Variants in PIEZO2 observed in about 807,000 individuals in gnomAD.
The protein encoded by PIEZO2 is piezo-type mechanosensitive ion channel component 2.
PIEZO2 carries 172 observed loss-of-function variants against 337.3 expected under a neutral mutation model. That is an observed-to-expected ratio of 0.51 (90% CI 0.45 to 0.58). The LOEUF (loss-of-function observed/expected upper bound fraction) is 0.58. Among genes scored for constraint, PIEZO2 ranks in the 20% least tolerant of loss-of-function variants. The pLI is 0.00. For missense variants in PIEZO2, 3,028 were observed against 3,391.3 expected (o/e 0.89, Z 2.66); for synonymous variants, 1,251 against 1,228.5 (o/e 1.02, Z -0.38).
rs1246009114 is a variant in PIEZO2, at chr18:10,726,570, C to T, written c.5029+4837G>A. On this transcript the variant is annotated intron_variant, in intron 36 of 55. Transcript: ENST00000674853. This position sits in a 1 kb window ranked among gnomAD's most constrained non-coding sequence, Gnocchi z 5.9. ...CCAGCCGCCACGCTGTGCGTCTGTCCTTCCGCCAGCTCTTCCAGGACCTGG... is the reference window on the plus strand; with the variant it reads ...CCAGCCGCCACGCTGTGCGTCTGTCTTTCCGCCAGCTCTTCCAGGACCTGG... 5.7e-6 allele frequency: 8 copies of T among 1,404,084 alleles called. No individual in the cohort carries two copies. The highest frequency in any genetic ancestry group is 7.6e-6 in the Non-Finnish European group (8 of 1,057,246). 87.0% of individuals were successfully genotyped at this position (1,404,084 alleles called of 1,614,324 possible). A position where few individuals can be genotyped will look rare whatever the true frequency, so the allele number is the denominator to read the frequency against.
chr18:10,679,587 T>G (rs1274547422), intron 52 of PIEZO2, among the ~76,000 whole-genome samples: 1 of 152,224 alleles, frequency 6.6e-6, no homozygotes, highest in Non-Finnish European at 1.5e-5. Flanking sequence ...TGCCTTCATT[T>G]CTAGTGTTTA....
At chr18:10,717,610 G>C (rs1056756352) in intron 37 of PIEZO2, among the ~76,000 whole-genome samples, 1 of 152,136 alleles carries the variant, frequency 6.6e-6, no homozygotes, top group Non-Finnish European at 1.5e-5. Context: ...CCTGCATAAA[G>C]ATACCTTCCT....
At position 11,141,512 on chromosome 18, in the gene PIEZO2, C is replaced by A. The variant is rs73943214; in HGVS notation, c.64+7013G>T. On this transcript the variant is annotated intron_variant, in intron 1 of 55. Transcript: ENST00000674853. ...GCTGCGGGGCGCACAGAATGTAGAG[C>A]CACGCAACACGTATGTGGACCGAGA... 7.6e-3 allele frequency among the ~76,000 whole-genome samples: 1,159 copies of A among 152,264 alleles called. 15 individuals carry two copies. The highest frequency in any genetic ancestry group is 0.026 in the African/African-American group (1,099 of 41,538).
chr18:11,095,501 C>T (rs1479280193), intron 1 of PIEZO2, among the ~76,000 whole-genome samples: 3 of 152,266 alleles, frequency 2.0e-5, no homozygotes, highest in African/African-American at 7.2e-5. Context: ...GGCTCTGCCC[C>T]CACTGCAGCC....
intron 3 of PIEZO2, among the ~76,000 whole-genome samples, chr18:10,925,889 GTGTTTTT>G (rs548283028): frequency 0.012 from 1,441 of 117,076 alleles, 22 homozygotes; most frequent in African/African-American, 0.042. Flanking sequence ...AATGTAAGCA[GTGTTTTT>G]TGTTTTTTGT....
intron 7 of PIEZO2, among the ~76,000 whole-genome samples, chr18:10,817,883 A>G (rs2040408721): frequency 2.0e-5 from 3 of 150,906 alleles, no homozygotes; most frequent in East Asian, 2.0e-4. Context: ...AGATTGTGCC[A>G]CTGCACTCCA....
At chr18:10,991,209 T>C (rs2035083838) in intron 2 of PIEZO2, among the ~76,000 whole-genome samples, 1 of 150,570 alleles carries the variant, frequency 6.6e-6, no homozygotes, top group African/African-American at 2.5e-5. Context: ...TATATACATA[T>C]ATATATACAC....
At chr18:10,809,917 A>G (rs2040134535) in intron 7 of PIEZO2, among the ~76,000 whole-genome samples, 1 of 152,164 alleles carries the variant, frequency 6.6e-6, no homozygotes, top group African/African-American at 2.4e-5. Context: ...CTCTCCATAG[A>G]AATATCTCTT....
intron 9 of PIEZO2, among the ~76,000 whole-genome samples, chr18:10,803,009 A>G (rs2039879777): frequency 6.6e-6 from 1 of 151,864 alleles, no homozygotes; most frequent in South Asian, 2.1e-4. Flanking sequence ...TAATCTGTCT[A>G]AATAACTGTG....
intron 2 of PIEZO2, among the ~76,000 whole-genome samples, chr18:11,065,546 A>G (rs148279822): frequency 4.9e-4 from 75 of 152,340 alleles, no homozygotes; most frequent in African/African-American, 1.8e-3. Flanking sequence ...AGGTTCTTAT[A>G]GAGTAACCAG....
At chr18:10,774,761 A>G (rs189535576) in intron 18 of PIEZO2, among the ~76,000 whole-genome samples, 97 of 152,368 alleles carry the variant, frequency 6.4e-4, no homozygotes, top group African/African-American at 2.1e-3. Flanking sequence ...TACATTAAGA[A>G]AAAGCCTAGT....
At position 11,146,561 on chromosome 18, in the gene PIEZO2, A is replaced by C. The variant is rs2040817272; in HGVS notation, c.64+1964T>G. ...GGGCAGAGTACTACAGCCCTACTGAAGGAGTTTTTAGCATAGGCCACCAAC... is the reference window on the plus strand; with the variant it reads ...GGGCAGAGTACTACAGCCCTACTGACGGAGTTTTTAGCATAGGCCACCAAC... On this transcript the variant is annotated intron_variant, in intron 1 of 55. Coordinates refer to ENST00000674853, the MANE Select transcript of PIEZO2 (RefSeq NM_001378183.1). This position sits in a 1 kb window ranked among gnomAD's most constrained non-coding sequence, Gnocchi z 6.1. Among the ~76,000 whole-genome samples, 1 of 152,334 alleles carries C rather than the reference A, an allele frequency of 6.6e-6. No individual in the cohort carries two copies. The highest frequency in any genetic ancestry group is 1.5e-5 in the Non-Finnish European group (1 of 68,026).
intron 1 of PIEZO2, among the ~76,000 whole-genome samples, chr18:11,119,162 T>C (rs910921021): frequency 8.8e-6 from 1 of 113,304 alleles, no homozygotes; most frequent in East Asian, 2.8e-4. Flanking sequence ...TTTTTTTTTT[T>C]TTTGAGACAG....
rs955044340 is a variant in PIEZO2, at chr18:11,127,590, C to T, written c.64+20935G>A. On this transcript the variant is annotated intron_variant, in intron 1 of 55. Transcript: ENST00000674853. The surrounding 1 kb of genome is among the most constrained non-coding windows in gnomAD (Gnocchi z 4.5). ...CATCAGGCTCCAAGTTCTTCAGTTT[C>T]GAGACTCAGACTGGCTCTCCTTGCT... 1.3e-5 allele frequency among the ~76,000 whole-genome samples: 2 copies of T among 151,990 alleles called. No individual in the cohort carries two copies. The highest frequency in any genetic ancestry group is 2.1e-4 in the South Asian group (1 of 4,812).
At chr18:10,885,889 C>T (rs867129652) in intron 4 of PIEZO2, among the ~76,000 whole-genome samples, 16 of 152,098 alleles carry the variant, frequency 1.1e-4, no homozygotes, top group Middle Eastern at 3.2e-3. Flanking sequence ...GTGGTCAGGG[C>T]TGTGGGCGTG....
chr18:10,676,926 G>A lies in PIEZO2; in HGVS notation c.8081+821C>T, dbSNP rs1017634362. On this transcript the variant is annotated intron_variant, in intron 53 of 55. Coordinates refer to ENST00000674853, the MANE Select transcript of PIEZO2 (RefSeq NM_001378183.1). This position sits in a 1 kb window ranked among gnomAD's most constrained non-coding sequence, Gnocchi z 5.1. ...ATAGCCCAGTACCCCCGGGGGCAGGGCAGGGAGAATGCGATACCACTGGGC... is the reference window on the plus strand; with the variant it reads ...ATAGCCCAGTACCCCCGGGGGCAGGACAGGGAGAATGCGATACCACTGGGC... 3.3e-5 allele frequency among the ~76,000 whole-genome samples: 5 copies of A among 152,224 alleles called. No individual in the cohort carries two copies. The highest frequency in any genetic ancestry group is 6.5e-5 in the Admixed American group (1 of 15,284).
At chr18:10,803,789 T>C in intron 9 of PIEZO2, 86 bp downstream of exon 9, 3 of 1,445,490 alleles carry the variant, frequency 2.1e-6, no homozygotes, top group Non-Finnish European at 1.8e-6. Flanking sequence ...TGATATGATA[T>C]ATATGATATT....
intron 4 of PIEZO2, among the ~76,000 whole-genome samples, chr18:10,873,968 T>C (rs2042202829): frequency 6.6e-6 from 1 of 152,022 alleles, no homozygotes; most frequent in Non-Finnish European, 1.5e-5. Context: ...AGTAGACAAA[T>C]GGGATTATAT....
chr18:10,793,140 T>C (rs1348212955), intron 13 of PIEZO2, among the ~76,000 whole-genome samples: 1 of 152,040 alleles, frequency 6.6e-6, no homozygotes, highest in South Asian at 2.1e-4. Context: ...GCGCCTGTAG[T>C]CCCAGCTACT....
Sources: allele counts gnomAD v4.1 joint callset (sites outside exome capture counted in the v4.1 genomes callset), GRCh38; gene constraint gnomAD v4.1.1; non-coding constraint Gnocchi (gnomAD v3.1); transcripts MANE v1.5; gene names NCBI Gene and HGNC (gene_info 2026-07-23, HGNC 2026-07-21).